Variants in ANO10 observed in about 807,000 individuals in gnomAD.
ANO10 encodes anoctamin 10.
ANO10 carries 77 observed loss-of-function variants against 74.7 expected under a neutral mutation model. The ratio of observed to expected loss-of-function variants is 1.03; its 90% CI spans 0.86 to 1.25. The LOEUF (loss-of-function observed/expected upper bound fraction) is 1.25, where lower values mean the gene tolerates loss of function less well. Among genes scored for constraint, ANO10 ranks in the 50% most tolerant of loss-of-function variants. ANO10 has a pLI of 0.00. For missense variants in ANO10, 721 were observed against 778.1 expected, an observed-to-expected ratio of 0.93 and a Z score of 0.87; for synonymous variants, 279 against 284.9, an observed-to-expected ratio of 0.98 and a Z score of 0.21.
At chr3:43,661,973 C>T (rs969904977) in intron 1 of ANO10, among the ~76,000 whole-genome samples, 1 of 152,146 alleles carries the variant, frequency 6.6e-6, no homozygotes, top group Non-Finnish European at 1.5e-5. Context: ...TGTAACACCC[C>T]ACTGTCAATA....
intron 12 of ANO10, among the ~76,000 whole-genome samples, chr3:43,370,203 A>G (rs1159984094): frequency 2.0e-5 from 3 of 152,360 alleles, no homozygotes; most frequent in Admixed American, 6.5e-5. Flanking sequence ...AAGTGATGTC[A>G]GGATCACAGA....
chr3:43,627,400 C>A (rs867138701), intron 1 of ANO10, among the ~76,000 whole-genome samples: 4 of 152,348 alleles, frequency 2.6e-5, no homozygotes, highest in Non-Finnish European at 4.4e-5. Flanking sequence ...GCCACTGGAG[C>A]CAGGCTAGGC....
At chr3:43,567,433 G>C (rs1223468587) in intron 7 of ANO10, among the ~76,000 whole-genome samples, 1 of 152,178 alleles carries the variant, frequency 6.6e-6, no homozygotes, top group African/African-American at 2.4e-5. Flanking sequence ...CAGCCACAGA[G>C]AAAGGTCGGG....
intron 11 of ANO10, among the ~76,000 whole-genome samples, chr3:43,466,538 C>G (rs551926737): frequency 6.6e-6 from 1 of 151,964 alleles, no homozygotes; most frequent in African/African-American, 2.4e-5. Context: ...TTTAAACAAA[C>G]GACTAGAGTA....
At chr3:43,449,389 C>T (rs2074743270) in intron 11 of ANO10, among the ~76,000 whole-genome samples, 1 of 151,910 alleles carries the variant, frequency 6.6e-6, no homozygotes, top group South Asian at 2.1e-4. Context: ...TAATTAATTA[C>T]TAAACCCTAG....
intron 11 of ANO10, among the ~76,000 whole-genome samples, 156 bp from the exon 12 acceptor site, chr3:43,432,883 G>A (rs999163734): frequency 6.3e-5 from 9 of 143,384 alleles, no homozygotes; most frequent in African/African-American, 2.0e-4. Context: ...AGGCCCATGA[G>A]TTGTACTGAG....
intron 11 of ANO10, among the ~76,000 whole-genome samples, chr3:43,432,941 A>ATCCTTTTTTT (rs2093007560): frequency 4.3e-5 from 2 of 46,544 alleles, no homozygotes; most frequent in Non-Finnish European, 9.9e-5. Flanking sequence ...ACTTTGCTTA[A>ATCCTTTTTTT]TTCTTTTTTT....
chr3:43,520,339 G>T (rs192000218), intron 11 of ANO10, among the ~76,000 whole-genome samples: 1 of 152,264 alleles, frequency 6.6e-6, no homozygotes, highest in East Asian at 1.9e-4. Context: ...AGTACCAGAG[G>T]CTGGGAAGTC....
At chr3:43,571,071 A>G (rs1019578131) in intron 7 of ANO10, among the ~76,000 whole-genome samples, 5 of 151,778 alleles carry the variant, frequency 3.3e-5, no homozygotes, top group South Asian at 2.1e-4. Context: ...GCAGCCAAAA[A>G]ACACATGAAA....
chr3:43,503,849 G>A (rs1041196343), intron 11 of ANO10, among the ~76,000 whole-genome samples: 12 of 152,166 alleles, frequency 7.9e-5, no homozygotes, highest in Middle Eastern at 3.4e-3. Context: ...TTCTAATCAG[G>A]TGATTTTTAT....
intron 12 of ANO10, among the ~76,000 whole-genome samples, chr3:43,396,303 T>C (rs1202944224): frequency 2.0e-5 from 3 of 152,148 alleles, no homozygotes; most frequent in Non-Finnish European, 4.4e-5. Context: ...GCTCTTTTCA[T>C]TTTTACAATT....
rs4682885 is a variant in ANO10, at chr3:43,417,654, T to C, written c.1914+14957A>G. Among the ~76,000 whole-genome samples the C allele has an allele frequency of 8.6e-3, 1,308 of 152,304 alleles. 72 individuals carry two copies. The highest frequency in any genetic ancestry group is 0.075 in the Admixed American group (1,140 of 15,300). ...AACCCCAGGTATTTACCCCACACAA[T>C]GTAGCTGCTTCAATAGTGCTTTTAT... On this transcript the variant is annotated intron_variant, in intron 12 of 12. Transcript: ENST00000292246.
intron 1 of ANO10, among the ~76,000 whole-genome samples, chr3:43,682,876 A>T (rs1012696003): frequency 6.6e-6 from 1 of 152,204 alleles, no homozygotes; most frequent in East Asian, 1.9e-4. Context: ...GACAAAATTC[A>T]ACAACACTTC....
At chr3:43,382,209 C>T (rs2091979294) in intron 12 of ANO10, among the ~76,000 whole-genome samples, 1 of 152,154 alleles carries the variant, frequency 6.6e-6, no homozygotes, top group Non-Finnish European at 1.5e-5. Flanking sequence ...AACCCAAACC[C>T]AACAGAAGAA....
chr3:43,550,714 T>C (rs2079418298), intron 10 of ANO10, among the ~76,000 whole-genome samples: 1 of 152,194 alleles, frequency 6.6e-6, no homozygotes, highest in Admixed American at 6.5e-5. Context: ...TCATAAGAAA[T>C]CTAAGACTGT....
intron 12 of ANO10, among the ~76,000 whole-genome samples, chr3:43,417,925 T>G (rs2092765728): frequency 2.0e-5 from 3 of 152,272 alleles, no homozygotes; most frequent in African/African-American, 7.2e-5. Context: ...ATAACAGCAA[T>G]GATATCAAAG....
At chr3:43,578,611 ATGGTGGTGTGTACC>A (rs1374012115) in intron 5 of ANO10, among the ~76,000 whole-genome samples, 1 of 152,084 alleles carries the variant, frequency 6.6e-6, no homozygotes, top group Non-Finnish European at 1.5e-5. Flanking sequence ...TTAGCCGGGC[ATGGTGGTGTGTACC>A]TGTAGTCCCA....
intron 11 of ANO10, among the ~76,000 whole-genome samples, chr3:43,442,762 T>G (rs1464339596): frequency 6.6e-6 from 1 of 152,178 alleles, no homozygotes; most frequent in Non-Finnish European, 1.5e-5. Context: ...TGCCATTCCT[T>G]GCAACATGAA....
At chr3:43,591,209 G>A (rs918576907) in intron 4 of ANO10, among the ~76,000 whole-genome samples, 22 of 152,128 alleles carry the variant, frequency 1.4e-4, no homozygotes, top group African/African-American at 1.7e-4. Context: ...GCTGTTCGCC[G>A]CAGTTGCAGA....
Sources: allele counts gnomAD v4.1 joint callset (sites outside exome capture counted in the v4.1 genomes callset), GRCh38; gene constraint gnomAD v4.1.1; transcripts MANE v1.5; gene names NCBI Gene and HGNC (gene_info 2026-07-23, HGNC 2026-07-21).